Variants in MAD1L1 observed in about 807,000 individuals in gnomAD.
MAD1L1 encodes mitotic spindle assembly checkpoint protein MAD1.
Under a neutral mutation model 96.9 loss-of-function variants are expected in MAD1L1, and 95 were observed. The observed-to-expected ratio is 0.98, with a 90% CI of 0.83 to 1.16. The LOEUF is 1.16. MAD1L1 is among the 50% of genes most tolerant of loss of function. The pLI, the probability that MAD1L1 is intolerant of heterozygous loss-of-function variation, is 0.00. For missense variants in MAD1L1, 1,007 were observed against 954.4 expected (o/e 1.06, Z -0.73); for synonymous variants, 473 against 396.6 (o/e 1.19, Z -2.29).
chr7:1,976,516 A>G (rs753287277), intron 15 of MAD1L1, among the ~76,000 whole-genome samples: 1 of 152,226 alleles, frequency 6.6e-6, no homozygotes, highest in Non-Finnish European at 1.5e-5. Flanking sequence ...TGAGTGCTAC[A>G]TCTCATAAAG....
intron 18 of MAD1L1, among the ~76,000 whole-genome samples, chr7:1,883,310 A>G (rs778788720): frequency 1.3e-5 from 2 of 152,014 alleles, no homozygotes; most frequent in Non-Finnish European, 2.9e-5. Flanking sequence ...TAACACCCGA[A>G]TCCTAATTCA....
At chr7:1,889,234 C>G (rs983778636) in intron 18 of MAD1L1, among the ~76,000 whole-genome samples, 5 of 152,236 alleles carry the variant, frequency 3.3e-5, no homozygotes, top group South Asian at 4.1e-4. Context: ...TGGCCCGGGT[C>G]CAGTCCCTCC....
At chr7:1,878,136 A>T (rs4492264) in intron 18 of MAD1L1, among the ~76,000 whole-genome samples, 2,022 of 152,322 alleles carry the variant, frequency 0.013, 41 homozygotes, top group African/African-American at 0.046. Flanking sequence ...GACTCAAAAA[A>T]CATCTGAGTA....
chr7:2,152,958 A>G (rs1298651050), intron 10 of MAD1L1, among the ~76,000 whole-genome samples: 1 of 152,228 alleles, frequency 6.6e-6, no homozygotes, highest in Non-Finnish European at 1.5e-5. Flanking sequence ...CAGCATGTTA[A>G]AAGTTGTGAA....
intron 15 of MAD1L1, among the ~76,000 whole-genome samples, chr7:1,964,988 C>T (rs1347349722): frequency 1.3e-5 from 2 of 152,200 alleles, no homozygotes; most frequent in African/African-American, 4.8e-5. Context: ...GTCCCAGACC[C>T]CTGCACTGCC....
intron 14 of MAD1L1, among the ~76,000 whole-genome samples, chr7:1,994,369 C>G (rs142471611): frequency 4.3e-4 from 66 of 152,328 alleles, no homozygotes; most frequent in African/African-American, 1.5e-3. Context: ...CTCCGCTGAA[C>G]TGAAAAGACA....
Position 2,204,394 on chromosome 7 carries a change from C to T in MAD1L1, c.986+8818G>A, listed in dbSNP as rs565454158. On this transcript the variant is annotated intron_variant, in intron 10 of 18. Transcript: ENST00000265854. Reference sequence around the variant, plus strand: ...AAGAGCAGTGTCATGAGCTTTGCTGCGTGTACACCTGTGCGGCGATCACAT... The same window carrying T: ...AAGAGCAGTGTCATGAGCTTTGCTGTGTGTACACCTGTGCGGCGATCACAT... Among the ~76,000 whole-genome samples the T allele has an allele frequency of 2.0e-5, 3 of 152,288 alleles. No individual in the cohort carries two copies. In the South Asian group the frequency reaches 6.2e-4, roughly 32 times the overall value.
At chr7:1,827,093 G>A (rs1426196122) in intron 18 of MAD1L1, among the ~76,000 whole-genome samples, 1 of 152,236 alleles carries the variant, frequency 6.6e-6, no homozygotes, top group Non-Finnish European at 1.5e-5. Flanking sequence ...GCTCGGGGTG[G>A]GGCGGCCTGC....
chr7:1,915,176 C>T (rs1396314515), intron 17 of MAD1L1, among the ~76,000 whole-genome samples: 1 of 152,186 alleles, frequency 6.6e-6, no homozygotes, highest in East Asian at 1.9e-4. Context: ...CCTGAGGACA[C>T]AGTGTGTATG....
intron 11 of MAD1L1, among the ~76,000 whole-genome samples, chr7:2,076,123 G>T (rs1321963370): frequency 2.6e-5 from 4 of 152,250 alleles, no homozygotes; most frequent in African/African-American, 7.2e-5. Context: ...ACAAGGCTGA[G>T]TGGTGCCTGG....
intron 10 of MAD1L1, among the ~76,000 whole-genome samples, chr7:2,150,702 T>C (rs1322427570): frequency 2.0e-5 from 3 of 152,246 alleles, no homozygotes; most frequent in African/African-American, 7.2e-5. Context: ...TGTGAGCAGA[T>C]GTCCTGCGGC....
intron 12 of MAD1L1, among the ~76,000 whole-genome samples, chr7:2,033,754 C>T (rs1783338372): frequency 6.6e-6 from 1 of 152,240 alleles, no homozygotes; most frequent in Non-Finnish European, 1.5e-5. Context: ...GAAAACGAGT[C>T]AGCAAAACTG....
intron 18 of MAD1L1, among the ~76,000 whole-genome samples, chr7:1,871,330 C>G (rs1785080292): frequency 6.9e-6 from 1 of 145,758 alleles, no homozygotes; most frequent in African/African-American, 2.6e-5. Flanking sequence ...CCACGCTGAA[C>G]CCACCGTAAC....
At chr7:1,913,671 G>A (rs372676211) in intron 17 of MAD1L1, among the ~76,000 whole-genome samples, 9 of 152,126 alleles carry the variant, frequency 5.9e-5, no homozygotes, top group African/African-American at 2.2e-4. Flanking sequence ...GCTGCTATGG[G>A]GGGAGGGAGA....
At chr7:1,885,574 C>T (rs1460706314) in intron 18 of MAD1L1, among the ~76,000 whole-genome samples, 4 of 152,126 alleles carry the variant, frequency 2.6e-5, no homozygotes, top group South Asian at 4.1e-4. Flanking sequence ...GCCGCTGTAG[C>T]TCCTGCTTCC....
At chr7:2,058,928 G>C (rs572753594) in intron 12 of MAD1L1, among the ~76,000 whole-genome samples, 18 of 93,148 alleles carry the variant, frequency 1.9e-4, no homozygotes, top group African/African-American at 9.0e-4. Context: ...TGGAGAGGGA[G>C]TGTGGCCAGA....
intron 11 of MAD1L1, among the ~76,000 whole-genome samples, chr7:2,096,616 C>T (rs919906702): frequency 6.6e-6 from 1 of 152,168 alleles, no homozygotes; most frequent in Non-Finnish European, 1.5e-5. Context: ...GGACAGCTTC[C>T]CCCGCTACAG....
intron 11 of MAD1L1, among the ~76,000 whole-genome samples, chr7:2,092,045 G>C (rs962395583): frequency 6.6e-6 from 1 of 152,132 alleles, no homozygotes; most frequent in African/African-American, 2.4e-5. Context: ...ACCGTGTTTG[G>C]CTTTGTAAAA....
chr7:1,906,021 C>T lies in MAD1L1; in HGVS notation c.1808-7631G>A, dbSNP rs546719407. On this transcript the variant is annotated intron_variant, in intron 17 of 18. Coordinates refer to ENST00000265854, the MANE Select transcript of MAD1L1 (RefSeq NM_001013836.2). ...GCCGAGATTGCGCCACTGCACTCCA[C>T]GCTGGGTGACACAGTAAGACTCCAT... Among the ~76,000 whole-genome samples, 32 of 147,976 alleles carry T rather than the reference C, an allele frequency of 2.2e-4. No homozygotes were observed. The South Asian group carries it at 5.0e-3, about 23-fold the overall frequency.
Sources: allele counts gnomAD v4.1 joint callset (sites outside exome capture counted in the v4.1 genomes callset), GRCh38; gene constraint gnomAD v4.1.1; transcripts MANE v1.5; gene names NCBI Gene and HGNC (gene_info 2026-07-23, HGNC 2026-07-21).